ADCY2: variants seen among roughly 807,000 people sequenced by gnomAD.
The protein encoded by ADCY2 is adenylate cyclase 2.
Under a neutral mutation model 125.2 loss-of-function variants are expected in ADCY2, and 31 were observed. The observed-to-expected ratio is 0.25, with a 90% CI of 0.19 to 0.33. The LOEUF (loss-of-function observed/expected upper bound fraction) is 0.33. Ranked by LOEUF, ADCY2 falls within the 10% of genes least tolerant of loss-of-function variation. The probability of loss-of-function intolerance (pLI) is 1.00; values close to 1 mark genes in which losing one functional copy is unlikely to be tolerated. For synonymous variants in ADCY2, 512 were observed against 548.4 expected (o/e 0.93, Z 0.93); for missense variants, 904 against 1,418.2 (o/e 0.64, Z 5.82).
At chr5:7,805,833 C>G (rs762401146) in intron 22 of ADCY2, among the ~76,000 whole-genome samples, 1 of 152,160 alleles carries the variant, frequency 6.6e-6, no homozygotes, top group Admixed American at 6.5e-5. Flanking sequence ...CATGGATAGA[C>G]GTCTGACTCA....
In ADCY2 at chr5:7,773,042, C is replaced by A; in HGVS notation, c.2325C>A (p.Thr775=). The A allele has an allele frequency of 6.2e-7, 1 of 1,614,150 alleles. No homozygotes were observed. The highest frequency in any genetic ancestry group is 8.5e-7 in the Non-Finnish European group (1 of 1,180,032). The part of the protein sequence containing the change: ...IMMVALVGYN[T]ILLHTHAHVL... The stretch of plus-strand genomic sequence containing the variant: ...TGGTGGCCTTGGTGGGCTACAACAC[C>A]ATCCTACTCCACACCCACGCCCACG... The change falls in exon 18 of 25, where the codon ACC becomes ACA. Residue 775 remains threonine (T), a synonymous_variant. Transcript: ENST00000338316.
intron 3 of ADCY2, among the ~76,000 whole-genome samples, chr5:7,607,599 A>T (rs557717832): frequency 6.6e-6 from 1 of 152,350 alleles, no homozygotes; most frequent in South Asian, 2.1e-4. Flanking sequence ...CCAATTGCTA[A>T]CAACAAATCA....
At chr5:7,545,578 C>T (rs765428110) in intron 3 of ADCY2, among the ~76,000 whole-genome samples, 6 of 152,116 alleles carry the variant, frequency 3.9e-5, no homozygotes, top group Non-Finnish European at 4.4e-5. Flanking sequence ...TATCTGCCCC[C>T]GCCCCAAAGT....
rs1745573465 is a variant in ADCY2, at chr5:7,829,252, C to A, written c.*2381C>A. The A allele has an allele frequency of 6.6e-6, 1 of 152,628 alleles. No individual in the cohort carries two copies. 9.5% of individuals were successfully genotyped at this position (152,628 alleles called of 1,614,324 possible). A position where few individuals can be genotyped will look rare whatever the true frequency, so the allele number is the denominator to read the frequency against. On this transcript the variant is annotated 3_prime_UTR_variant, in exon 25 of 25. Coordinates refer to ENST00000338316, the MANE Select transcript of ADCY2 (RefSeq NM_020546.3). ...AACTGCTGTTTAGTGAACAGGTTCTCCAGGTGATTCTGATCCCTGATCAAG... is the reference window on the plus strand; with the variant it reads ...AACTGCTGTTTAGTGAACAGGTTCTACAGGTGATTCTGATCCCTGATCAAG...
intron 1 of ADCY2, among the ~76,000 whole-genome samples, chr5:7,401,926 G>T (rs1739277224): frequency 6.6e-6 from 1 of 152,194 alleles, no homozygotes; most frequent in Non-Finnish European, 1.5e-5. Context: ...CCTGCCACTT[G>T]ATATTGACAT....
chr5:7,790,212 C>T lies in ADCY2; in HGVS notation c.2628+412C>T, dbSNP rs542783361. 7.2e-5 allele frequency among the ~76,000 whole-genome samples: 11 copies of T among 151,982 alleles called. No individual in the cohort carries two copies. The East Asian group carries it at 1.6e-3, about 21-fold the overall frequency. ...ACCAAGAGGCAACGTTAAACCATGCCTCCCACACGCCCCCTGTTTCCCCAC... is the reference window on the plus strand; with the variant it reads ...ACCAAGAGGCAACGTTAAACCATGCTTCCCACACGCCCCCTGTTTCCCCAC... On this transcript the variant is annotated intron_variant, in intron 20 of 24. Transcript: ENST00000338316.
chr5:7,773,245 G>T, intron 18 of ADCY2, 144 bp downstream of exon 18: 1 of 834,996 alleles, frequency 1.2e-6, no homozygotes, highest in Admixed American at 2.9e-5. Flanking sequence ...TGATGCCTCA[G>T]AAAGACAATA....
At chr5:7,560,911 C>G (rs755948339) in intron 3 of ADCY2, among the ~76,000 whole-genome samples, 2 of 152,170 alleles carry the variant, frequency 1.3e-5, no homozygotes, top group Non-Finnish European at 2.9e-5. Context: ...TGGTCTCGAA[C>G]TCCTGACCTC....
chr5:7,628,852 T>C (rs140986285), intron 4 of ADCY2, among the ~76,000 whole-genome samples: 9 of 151,182 alleles, frequency 6.0e-5, no homozygotes, highest in African/African-American at 2.2e-4. Flanking sequence ...CAGTAAGATA[T>C]AATCTGATAG....
intron 3 of ADCY2, among the ~76,000 whole-genome samples, chr5:7,587,036 A>G (rs1736651283): frequency 6.6e-6 from 1 of 152,172 alleles, no homozygotes; most frequent in Non-Finnish European, 1.5e-5. Flanking sequence ...TTAATCCCCT[A>G]GTTTACAGGT....
intron 14 of ADCY2, among the ~76,000 whole-genome samples, chr5:7,740,020 T>A (rs1332257553): frequency 6.6e-6 from 1 of 151,936 alleles, no homozygotes; most frequent in Non-Finnish European, 1.5e-5. Context: ...ATTAACAAAT[T>A]TTATATTTGT....
At chr5:7,684,031 C>T (rs1413365277) in intron 4 of ADCY2, among the ~76,000 whole-genome samples, 1 of 152,204 alleles carries the variant, frequency 6.6e-6, no homozygotes, top group Non-Finnish European at 1.5e-5. Flanking sequence ...CACCCATTCT[C>T]TCCCCAGCGT....
chr5:7,549,168 G>T (rs207465500), intron 3 of ADCY2, among the ~76,000 whole-genome samples: 1 of 152,174 alleles, frequency 6.6e-6, no homozygotes, highest in Non-Finnish European at 1.5e-5. Flanking sequence ...AGGTGATGCT[G>T]CTGTAACAAA....
Position 7,772,907 on chromosome 5 carries a change from T to C in ADCY2, c.2215-25T>C, listed in dbSNP as rs186201613. ...TTTCTCAGAAGAGATCCTAAGTATC[T>C]GTCTGGTGTCCTTCCCTGTTTCAGT... On this transcript the variant is annotated intron_variant, in intron 17 of 24. Transcript: ENST00000338316. 745 of 1,609,386 alleles carry C rather than the reference T, an allele frequency of 4.6e-4. 5 individuals are homozygous for C. In the African/African-American group the frequency reaches 9.3e-3, roughly 20 times the overall value.
chr5:7,412,057 A>C (rs1325570910), intron 1 of ADCY2, among the ~76,000 whole-genome samples: 1 of 151,080 alleles, frequency 6.6e-6, no homozygotes, highest in Non-Finnish European at 1.5e-5. Context: ...CCTGGGCGAC[A>C]GAGCGAGACT....
intron 3 of ADCY2, 99 bp from the exon 4 acceptor site, chr5:7,626,068 T>G: frequency 1.5e-6 from 2 of 1,318,936 alleles, no homozygotes; most frequent in Non-Finnish European, 2.1e-6. Flanking sequence ...CTTCCTGCAG[T>G]TATCTCTCTG....
chr5:7,600,641 G>T (rs1339495465), intron 3 of ADCY2, among the ~76,000 whole-genome samples: 2 of 152,158 alleles, frequency 1.3e-5, no homozygotes, highest in African/African-American at 4.8e-5. Context: ...CATCCATGGG[G>T]AATCCTCTGG....
intron 2 of ADCY2, among the ~76,000 whole-genome samples, chr5:7,477,810 G>A (rs1046170454): frequency 6.6e-6 from 1 of 152,150 alleles, no homozygotes; most frequent in South Asian, 2.1e-4. Flanking sequence ...ACCTGTCATC[G>A]TCGCCGTATC....
chr5:7,621,910 C>T (rs1236774278), intron 3 of ADCY2, among the ~76,000 whole-genome samples: 5 of 152,114 alleles, frequency 3.3e-5, no homozygotes, highest in African/African-American at 7.2e-5. Flanking sequence ...TTCCAGACCC[C>T]GCGCATACTC....
Sources: allele counts gnomAD v4.1 joint callset (sites outside exome capture counted in the v4.1 genomes callset), GRCh38; gene constraint gnomAD v4.1.1; transcripts MANE v1.5; gene names NCBI Gene and HGNC (gene_info 2026-07-23, HGNC 2026-07-21).